The following MSRB3 variants were observed in gnomAD, a reference collection of about 807,000 sequenced individuals.
MSRB3 encodes methionine-R-sulfoxide reductase B3.
Under a neutral mutation model 21.0 loss-of-function variants are expected in MSRB3, and 13 were observed. The ratio of observed to expected loss-of-function variants is 0.62; its 90% CI spans 0.40 to 0.98. The LOEUF is 0.98. MSRB3 is among the 50% of genes least tolerant of loss of function. The pLI is 0.00. For missense variants in MSRB3, 199 were observed against 230.3 expected (o/e 0.86, Z 0.88); for synonymous variants, 87 against 88.6 (o/e 0.98, Z 0.10).
chr12:65,381,331 G>C (rs960014665), intron 5 of MSRB3, among the ~76,000 whole-genome samples: 4 of 152,024 alleles, frequency 2.6e-5, no homozygotes, highest in African/African-American at 9.7e-5. Context: ...GATGATCATG[G>C]TCACCTTCTT....
intron 5 of MSRB3, among the ~76,000 whole-genome samples, chr12:65,421,554 A>G (rs1030065158): frequency 3.9e-5 from 6 of 152,222 alleles, no homozygotes; most frequent in African/African-American, 1.4e-4. Context: ...TATGTCCAGA[A>G]TGGTATTGCC....
At chr12:65,289,149 G>A (rs572584267) in intron 1 of MSRB3, among the ~76,000 whole-genome samples, 3 of 152,248 alleles carry the variant, frequency 2.0e-5, no homozygotes, top group Middle Eastern at 3.4e-3. Flanking sequence ...TTTTATCATA[G>A]ATGTATGTCT....
At chr12:65,297,723 T>C (rs1271529894) in intron 1 of MSRB3, among the ~76,000 whole-genome samples, 1 of 152,082 alleles carries the variant, frequency 6.6e-6, no homozygotes, top group African/African-American at 2.4e-5. Context: ...TAATGAGCCA[T>C]AGAAGCATGT....
rs1883519933 is a variant in MSRB3, at chr12:65,465,384, C to G, written c.*2062C>G. 6.6e-6 allele frequency: 1 copy of G among 152,180 alleles called. No individual in the cohort carries two copies. The highest frequency in any genetic ancestry group is 2.4e-5 in the African/African-American group (1 of 41,508). The allele number at this position is 152,180 out of a possible 1,614,324, so 9.4% of individuals were successfully genotyped here. On this transcript the variant is annotated 3_prime_UTR_variant, in exon 7 of 7. Transcript: ENST00000308259. Reference sequence around the variant, plus strand: ...GTTTAAAAAATACGTATTTTTGTAACTCTTTGAAAGTTTATGAAGACTGAC... The same window carrying G: ...GTTTAAAAAATACGTATTTTTGTAAGTCTTTGAAAGTTTATGAAGACTGAC...
Position 65,362,988 on chromosome 12 carries a change from C to A in MSRB3, c.264-6010C>A, listed in dbSNP as rs185519378. On this transcript the variant is annotated intron_variant, in intron 4 of 6. Transcript: ENST00000308259. Reference sequence around the variant, plus strand: ...GAAAAATTTCCATGTGTTGAAGGGACAACAGAGCAGATTATTTGACTTGGA... The same window carrying A: ...GAAAAATTTCCATGTGTTGAAGGGAAAACAGAGCAGATTATTTGACTTGGA... Among the ~76,000 whole-genome samples the A allele has an allele frequency of 4.1e-3, 627 of 152,166 alleles. 7 individuals carry two copies. Among genetic ancestry groups the A allele is most frequent in the African/African-American group, 0.015 (602 of 41,508 alleles).
chr12:65,329,703 A>T lies in MSRB3; in HGVS notation c.263+1100A>T, dbSNP rs545827605. Among the ~76,000 whole-genome samples, 153 of 152,126 alleles carry T rather than the reference A, an allele frequency of 1.0e-3. 2 individuals carry two copies. The South Asian group carries it at 0.03, about 30-fold the overall frequency. On this transcript the variant is annotated intron_variant, in intron 4 of 6. Transcript: ENST00000308259. The stretch of plus-strand genomic sequence containing the variant: ...TTAAAATGGAATTACAGAGTTTCTT[A>T]GGGGAAATAAATAAACAAGGATCTG...
intron 5 of MSRB3, among the ~76,000 whole-genome samples, chr12:65,422,755 G>T (rs1040218594): frequency 6.6e-6 from 1 of 151,396 alleles, no homozygotes; most frequent in African/African-American, 2.4e-5. Flanking sequence ...AGTTTTCAGG[G>T]TACAGATCTT....
At chr12:65,297,534 A>G (rs958630410) in intron 1 of MSRB3, among the ~76,000 whole-genome samples, 3 of 152,228 alleles carry the variant, frequency 2.0e-5, no homozygotes, top group Non-Finnish European at 2.9e-5. Flanking sequence ...ATGCCTGCTA[A>G]GGTTAGGCAT....
intron 5 of MSRB3, among the ~76,000 whole-genome samples, chr12:65,374,632 A>G (rs1258218491): frequency 2.0e-5 from 3 of 152,220 alleles, no homozygotes; most frequent in Non-Finnish European, 4.4e-5. Context: ...TTAAGAGAAC[A>G]GCCTAATAAT....
chr12:65,458,427 TA>T (rs1390181304), intron 6 of MSRB3, among the ~76,000 whole-genome samples: 1 of 152,220 alleles, frequency 6.6e-6, no homozygotes, highest in Non-Finnish European at 1.5e-5. Flanking sequence ...ATGTTTTTAG[TA>T]AAGATTTACT....
chr12:65,390,381 A>G (rs1245865776), intron 5 of MSRB3, among the ~76,000 whole-genome samples: 1 of 152,164 alleles, frequency 6.6e-6, no homozygotes, highest in Non-Finnish European at 1.5e-5. Context: ...CATAGGAATA[A>G]CCTAATAAAA....
intron 4 of MSRB3, among the ~76,000 whole-genome samples, chr12:65,355,720 A>T (rs1227304450): frequency 2.0e-5 from 3 of 151,886 alleles, no homozygotes; most frequent in Non-Finnish European, 2.9e-5. Flanking sequence ...GTACCTCTGT[A>T]GTATGCCCCT....
chr12:65,357,590 T>A (rs1294732310), intron 4 of MSRB3, among the ~76,000 whole-genome samples: 1 of 151,954 alleles, frequency 6.6e-6, no homozygotes, highest in Non-Finnish European at 1.5e-5. Context: ...CCTTTTTCTG[T>A]TCCAGGATTC....
Position 65,374,950 on chromosome 12 carries a change from C to A in MSRB3, c.292+5924C>A, listed in dbSNP as rs376922936. Among the ~76,000 whole-genome samples, 116 of 151,744 alleles carry A rather than the reference C, an allele frequency of 7.6e-4. 1 individual carries two copies. The highest frequency in any genetic ancestry group is 2.5e-3 in the African/African-American group (105 of 41,370). ...ATGCAAGCTCCGCCTCCCAGGTTTA[C>A]GCCATTCTCCTGCTTCAGCCTCTCG... is the stretch of plus-strand genomic sequence containing the variant. On this transcript the variant is annotated intron_variant, in intron 5 of 6. Coordinates refer to ENST00000308259, the MANE Select transcript of MSRB3 (RefSeq NM_001031679.3).
At chr12:65,439,480 T>C (rs561464931) in intron 5 of MSRB3, among the ~76,000 whole-genome samples, 2 of 151,766 alleles carry the variant, frequency 1.3e-5, no homozygotes, top group East Asian at 1.9e-4. Flanking sequence ...ATAAGAAATA[T>C]AATTTTGTAT....
intron 5 of MSRB3, among the ~76,000 whole-genome samples, chr12:65,377,938 C>T (rs1490164995): frequency 1.3e-5 from 2 of 152,194 alleles, no homozygotes; most frequent in African/African-American, 2.4e-5. Flanking sequence ...GATGCCATCA[C>T]AGTGTGGAAG....
intron 4 of MSRB3, among the ~76,000 whole-genome samples, chr12:65,354,638 T>A (rs199752135): frequency 6.6e-6 from 1 of 151,694 alleles, no homozygotes; most frequent in East Asian, 1.9e-4. Flanking sequence ...AATTTTTTTT[T>A]AAGAAAGATC....
chr12:65,458,793 C>A (rs1357877505), intron 6 of MSRB3, among the ~76,000 whole-genome samples: 1 of 152,148 alleles, frequency 6.6e-6, no homozygotes, highest in Non-Finnish European at 1.5e-5. Flanking sequence ...CATCTTGTAA[C>A]AATTTTCAGC....
At chr12:65,389,618 G>A (rs1457128003) in intron 5 of MSRB3, among the ~76,000 whole-genome samples, 1 of 152,086 alleles carries the variant, frequency 6.6e-6, no homozygotes, top group African/African-American at 2.4e-5. Flanking sequence ...CAACCTCCAT[G>A]TCCCGATCCC....
Sources: gnomAD v4.1 joint callset for allele counts (sites outside exome capture counted in the v4.1 genomes callset) on GRCh38, gnomAD v4.1.1 for gene constraint, MANE v1.5 for transcripts, NCBI Gene and HGNC (gene_info 2026-07-23, HGNC 2026-07-21) for gene names.